The following KHDRBS3 variants were observed in gnomAD, a reference collection of about 807,000 sequenced individuals.
KHDRBS3 encodes the protein KH RNA binding domain containing, signal transduction associated 3.
Under a neutral mutation model 45.6 loss-of-function variants are expected in KHDRBS3, and 23 were observed. That is an observed-to-expected ratio of 0.50 (90% CI 0.36 to 0.72). KHDRBS3 has a LOEUF of 0.72. Ranked by LOEUF, KHDRBS3 falls within the 30% of genes least tolerant of loss-of-function variation. KHDRBS3 has a pLI of 0.00. For missense variants in KHDRBS3, 352 were observed against 424.8 expected, an observed-to-expected ratio of 0.83 and a Z score of 1.51; for synonymous variants, 162 against 156.5, an observed-to-expected ratio of 1.04 and a Z score of -0.26.
chr8:135,469,592 G>T (rs1586559350), intron 1 of KHDRBS3, among the ~76,000 whole-genome samples: 1 of 144,760 alleles, frequency 6.9e-6, no homozygotes, highest in Admixed American at 7.1e-5. Context: ...GCAATGGCGC[G>T]GTCTTGGCTC....
intron 7 of KHDRBS3, among the ~76,000 whole-genome samples, chr8:135,642,031 G>A (rs1831079940): frequency 6.6e-6 from 1 of 152,218 alleles, no homozygotes; most frequent in South Asian, 2.1e-4. Context: ...AAGGAAGCCA[G>A]AGAGAGACTA....
chr8:135,592,523 T>C (rs900461475), intron 6 of KHDRBS3, among the ~76,000 whole-genome samples: 2 of 152,210 alleles, frequency 1.3e-5, no homozygotes, highest in African/African-American at 4.8e-5. Flanking sequence ...TGCAAGAACC[T>C]GCCATGTTTG....
intron 4 of KHDRBS3, among the ~76,000 whole-genome samples, chr8:135,653,703 A>G (rs1158511110): frequency 1.3e-5 from 2 of 152,234 alleles, no homozygotes; most frequent in African/African-American, 4.8e-5. Context: ...GAGTATGTTT[A>G]AGGTAGGCTA....
At chr8:135,483,823 GCTGTTGGGACTGT>G (rs1822709758) in intron 1 of KHDRBS3, among the ~76,000 whole-genome samples, 1 of 152,142 alleles carries the variant, frequency 6.6e-6, no homozygotes, top group South Asian at 2.1e-4. Context: ...CCTATCTAGG[GCTGTTGGGACTGT>G]CTGTTTCTGG....
At chr8:135,613,347 T>C (rs998538570) in intron 7 of KHDRBS3, among the ~76,000 whole-genome samples, 2 of 151,828 alleles carry the variant, frequency 1.3e-5, no homozygotes, top group Non-Finnish European at 2.9e-5. Context: ...ATTTAACCTC[T>C]CTAAGCCTCC....
chr8:135,554,842 A>G (rs1306137417), intron 4 of KHDRBS3, among the ~76,000 whole-genome samples: 2 of 152,152 alleles, frequency 1.3e-5, no homozygotes, highest in Non-Finnish European at 2.9e-5. Context: ...CAGGTTTTTA[A>G]TTCTAAATAA....
At chr8:135,471,999 A>G (rs1272193562) in intron 1 of KHDRBS3, among the ~76,000 whole-genome samples, 1 of 152,206 alleles carries the variant, frequency 6.6e-6, no homozygotes, top group Admixed American at 6.5e-5. Flanking sequence ...CCTGGGAGAT[A>G]GTGGGCACTC....
At chr8:135,541,844 T>G (rs1175384071) in intron 2 of KHDRBS3, 3 of 152,318 alleles carry the variant, frequency 2.0e-5, no homozygotes, top group Non-Finnish European at 2.9e-5. Context: ...GCAAGCATTG[T>G]TTTAAACAGT....
intron 5 of KHDRBS3, among the ~76,000 whole-genome samples, chr8:135,563,431 C>T (rs1160127038): frequency 1.3e-5 from 2 of 152,216 alleles, no homozygotes; most frequent in Non-Finnish European, 2.9e-5. Flanking sequence ...TTGCCGAGCA[C>T]GCAGTGTGAA....
chr8:135,497,083 C>T (rs1017062071), intron 1 of KHDRBS3, among the ~76,000 whole-genome samples: 1 of 152,330 alleles, frequency 6.6e-6, no homozygotes, highest in South Asian at 2.1e-4. Context: ...GAATTAGACA[C>T]CTCTGTCCTT....
chr8:135,561,792 C>G (rs1335765736), intron 5 of KHDRBS3, among the ~76,000 whole-genome samples: 10 of 152,004 alleles, frequency 6.6e-5, no homozygotes, highest in Admixed American at 6.6e-4. Context: ...GATCTTGACC[C>G]TATGTAGTCC....
intron 7 of KHDRBS3, among the ~76,000 whole-genome samples, chr8:135,614,574 T>A (rs1300060912): frequency 6.6e-6 from 1 of 151,656 alleles, no homozygotes; most frequent in Non-Finnish European, 1.5e-5. Flanking sequence ...TAATAGAAAT[T>A]GAGCATTATA....
chr8:135,653,423 C>A (rs1159838296), intron 4 of KHDRBS3, among the ~76,000 whole-genome samples: 3 of 152,206 alleles, frequency 2.0e-5, no homozygotes, highest in African/African-American at 7.2e-5. Flanking sequence ...GTCCCTACTA[C>A]AATAGTTTGA....
chr8:135,462,170 T>C (rs1199055640), intron 1 of KHDRBS3, among the ~76,000 whole-genome samples: 1 of 152,112 alleles, frequency 6.6e-6, no homozygotes, highest in Non-Finnish European at 1.5e-5. Flanking sequence ...TGTGATTTTC[T>C]GTTTCATCCA....
At chr8:135,473,946 C>A (rs568167893) in intron 1 of KHDRBS3, among the ~76,000 whole-genome samples, 2 of 152,304 alleles carry the variant, frequency 1.3e-5, no homozygotes, top group East Asian at 3.9e-4. Flanking sequence ...TTGCTTGCTG[C>A]TGCTGATGTT....
intron 1 of KHDRBS3, among the ~76,000 whole-genome samples, chr8:135,502,017 TA>T (rs913947810): frequency 1.3e-5 from 2 of 152,212 alleles, no homozygotes; most frequent in East Asian, 3.8e-4. Context: ...AAAACCACTT[TA>T]AAAAATACAT....
At chr8:135,636,998 A>G (rs1387480564) in intron 7 of KHDRBS3, among the ~76,000 whole-genome samples, 6 of 152,244 alleles carry the variant, frequency 3.9e-5, no homozygotes, top group African/African-American at 1.2e-4. Flanking sequence ...GCACTAGTGA[A>G]CAAGGACCAA....
intron 1 of KHDRBS3, among the ~76,000 whole-genome samples, chr8:135,482,615 G>A (rs1822639220): frequency 1.3e-5 from 2 of 152,134 alleles, no homozygotes; most frequent in South Asian, 2.1e-4. Flanking sequence ...TTGGGCGCGT[G>A]TGTATGCCGG....
chr8:135,579,953 T>C (rs75048131), intron 5 of KHDRBS3, among the ~76,000 whole-genome samples: 2,944 of 152,298 alleles, frequency 0.019, 38 homozygotes, highest in Non-Finnish European at 0.027. Context: ...TTTATCCACA[T>C]TGGTTATGAG....
Sources: gnomAD v4.1 joint callset for allele counts (sites outside exome capture counted in the v4.1 genomes callset) on GRCh38, gnomAD v4.1.1 for gene constraint, MANE v1.5 for transcripts, NCBI Gene and HGNC (gene_info 2026-07-23, HGNC 2026-07-21) for gene names.